MKLN1: variants seen among roughly 807,000 people sequenced by gnomAD.
MKLN1 encodes the protein muskelin.
Under a neutral mutation model 99.0 loss-of-function variants are expected in MKLN1, and 18 were observed. That is an observed-to-expected ratio of 0.18 (90% confidence interval 0.13 to 0.27). MKLN1 has a LOEUF of 0.27. MKLN1 is among the 10% of genes least tolerant of loss of function. The pLI, the probability that MKLN1 is intolerant of heterozygous loss-of-function variation, is 1.00. For synonymous variants in MKLN1, 288 were observed against 293.2 expected, an observed-to-expected ratio of 0.98 and a Z score of 0.18; for missense variants, 621 against 875.9, an observed-to-expected ratio of 0.71 and a Z score of 3.67.
At chr7:131,368,028 T>G (rs1186157341) in intron 1 of MKLN1, among the ~76,000 whole-genome samples, 1 of 152,204 alleles carries the variant, frequency 6.6e-6, no homozygotes, top group African/African-American at 2.4e-5. Context: ...ATTGTATAAG[T>G]CTTTGGAAAG....
intron 3 of MKLN1, among the ~76,000 whole-genome samples, chr7:131,273,719 G>A (rs1684244868): frequency 6.6e-6 from 1 of 151,004 alleles, no homozygotes; most frequent in Non-Finnish European, 1.5e-5. Flanking sequence ...TGACTTCCTA[G>A]GCTCAAGTGA....
At chr7:131,234,856 T>C (rs1797292959) in intron 3 of MKLN1, among the ~76,000 whole-genome samples, 1 of 152,218 alleles carries the variant, frequency 6.6e-6, no homozygotes. Context: ...TCTCTGCTTG[T>C]CTTTATCTGT....
At chr7:131,362,841 GAAAA>G (rs565374293) in intron 1 of MKLN1, among the ~76,000 whole-genome samples, 47 of 149,318 alleles carry the variant, frequency 3.1e-4, no homozygotes, top group Non-Finnish European at 4.0e-4. Context: ...CCTTGTTTCT[GAAAA>G]AAAAACTCTT....
intron 3 of MKLN1, among the ~76,000 whole-genome samples, chr7:131,273,093 A>G (rs937241451): frequency 6.6e-6 from 1 of 152,210 alleles, no homozygotes; most frequent in African/African-American, 2.4e-5. Context: ...GTCCCAGAGA[A>G]GTTAAGTACC....
At chr7:131,209,194 C>T (rs1232474706) in intron 3 of MKLN1, among the ~76,000 whole-genome samples, 1 of 152,138 alleles carries the variant, frequency 6.6e-6, no homozygotes, top group African/African-American at 2.4e-5. Context: ...TGAAGTTGGA[C>T]AAGTGGACAG....
chr7:131,156,225 G>A (rs1303230258), intron 2 of MKLN1, among the ~76,000 whole-genome samples: 1 of 151,848 alleles, frequency 6.6e-6, no homozygotes, highest in Non-Finnish European at 1.5e-5. Flanking sequence ...CTTTACAATG[G>A]TGTGAAAGTG....
chr7:131,463,694 C>T lies in MKLN1; in HGVS notation c.1673+330C>T, dbSNP rs546963574. On this transcript the variant is annotated intron_variant, in intron 13 of 17. Transcript: ENST00000352689. The stretch of plus-strand genomic sequence containing the variant: ...TTCCCAGATCTTAGTTTTCATAAAA[C>T]GAAGAGGCTTGACTATAGCAAGGAG... 4.6e-5 allele frequency among the ~76,000 whole-genome samples: 7 copies of T among 152,214 alleles called. No individual in the cohort carries two copies. The South Asian group carries it at 1.2e-3, about 27-fold the overall frequency.
intron 1 of MKLN1, among the ~76,000 whole-genome samples, chr7:131,365,975 C>G (rs1800169248): frequency 6.6e-6 from 1 of 152,110 alleles, no homozygotes; most frequent in Non-Finnish European, 1.5e-5. Flanking sequence ...CAAGAGTATA[C>G]ATGATACTTC....
intron 8 of MKLN1, among the ~76,000 whole-genome samples, chr7:131,426,547 A>G (rs1795363507): frequency 6.6e-6 from 1 of 152,134 alleles, no homozygotes; most frequent in African/African-American, 2.4e-5. Flanking sequence ...TAGTTCCAAG[A>G]TAGGACAGTG....
chr7:131,383,807 A>C (rs1372113862), intron 2 of MKLN1, among the ~76,000 whole-genome samples: 1 of 152,134 alleles, frequency 6.6e-6, no homozygotes, highest in East Asian at 1.9e-4. Flanking sequence ...GTGTGTCAAA[A>C]CTGTCTACTG....
Position 131,440,659 on chromosome 7 carries a change from G to A in MKLN1, c.1173+2662G>A, listed in dbSNP as rs193253921. ...TAATGATCATATAGCATAGGAATAAGATAAAACAAAGAGGTAAAAATGATT... is the reference window on the plus strand; with the variant it reads ...TAATGATCATATAGCATAGGAATAAAATAAAACAAAGAGGTAAAAATGATT... On this transcript the variant is annotated intron_variant, in intron 10 of 17. Coordinates refer to ENST00000352689, the MANE Select transcript of MKLN1 (RefSeq NM_013255.5). 3.6e-3 allele frequency among the ~76,000 whole-genome samples: 551 copies of A among 152,080 alleles called. 2 individuals are homozygous for A. Among genetic ancestry groups the A allele is most frequent in the Middle Eastern group, 6.8e-3 (2 of 294 alleles).
At chr7:131,389,039 T>C in intron 4 of MKLN1, 67 bp downstream of exon 4, 2 of 1,003,562 alleles carry the variant, frequency 2.0e-6, no homozygotes, top group Non-Finnish European at 3.0e-6. Flanking sequence ...CTATAGCCCA[T>C]AGACCAAATC....
At chr7:131,144,743 C>T (rs7790053) in intron 2 of MKLN1, among the ~76,000 whole-genome samples, 147,198 of 152,020 alleles carry the variant, frequency 0.97, 71,465 homozygotes, top group East Asian at 1. Context: ...TTTGAGAGGG[C>T]GAGGTGGGCG....
intron 3 of MKLN1, among the ~76,000 whole-genome samples, chr7:131,224,087 T>A (rs1464291121): frequency 9.0e-6 from 1 of 110,896 alleles, no homozygotes; most frequent in Non-Finnish European, 2.0e-5. Flanking sequence ...AACAGGGACA[T>A]CAAAACCAAA....
intron 3 of MKLN1, among the ~76,000 whole-genome samples, chr7:131,318,580 C>A (rs548745410): frequency 2.6e-5 from 4 of 152,076 alleles, no homozygotes; most frequent in African/African-American, 9.6e-5. Context: ...CAAAAGCTAG[C>A]AGAAGACAAG....
chr7:131,419,341 C>T (rs1265173853), intron 8 of MKLN1, among the ~76,000 whole-genome samples: 2 of 149,698 alleles, frequency 1.3e-5, no homozygotes, highest in African/African-American at 2.5e-5. Context: ...ACCTCTGCCT[C>T]CGGGGTTCAA....
chr7:131,292,602 C>T (rs940296883), intron 3 of MKLN1, among the ~76,000 whole-genome samples: 28 of 152,100 alleles, frequency 1.8e-4, no homozygotes, highest in Admixed American at 9.2e-4. Context: ...TGGATTGAGG[C>T]GTTGTAGCTG....
chr7:131,445,953 G>T (rs574565293), intron 12 of MKLN1, 50 bp downstream of exon 12: 9 of 1,247,554 alleles, frequency 7.2e-6, no homozygotes, highest in Admixed American at 4.6e-5. Context: ...ACTTTAGGTA[G>T]AAAACTGCAG....
At chr7:131,263,051 TA>T (rs1797756407) in intron 3 of MKLN1, among the ~76,000 whole-genome samples, 1 of 152,282 alleles carries the variant, frequency 6.6e-6, no homozygotes, top group East Asian at 1.9e-4. Context: ...AAGTTAGACC[TA>T]AAGGCTTGAT....
Sources: gnomAD v4.1 joint callset for allele counts (sites outside exome capture counted in the v4.1 genomes callset) on GRCh38, gnomAD v4.1.1 for gene constraint, MANE v1.5 for transcripts, NCBI Gene and HGNC (gene_info 2026-07-23, HGNC 2026-07-21) for gene names.